CDHR2: variants seen among roughly 807,000 people sequenced by gnomAD.
The protein encoded by CDHR2 is cadherin related family member 2, also known as cadherin-related family member 2.
Under a neutral mutation model 138.6 loss-of-function variants are expected in CDHR2, and 104 were observed. The observed-to-expected ratio is 0.75, with a 90% CI of 0.64 to 0.88. CDHR2 has a LOEUF of 0.88. Ranked by LOEUF, CDHR2 falls within the 40% of genes least tolerant of loss-of-function variation. CDHR2 has a pLI of 0.00. For missense variants in CDHR2, 1,624 were observed against 1,727.6 expected (o/e 0.94, Z 1.06); for synonymous variants, 755 against 742.8 (o/e 1.02, Z -0.27).
chr5:176,592,087 GTGGTGGTGATGGTGGTGGTGA>G (rs1758876047), intron 30 of CDHR2, among the ~76,000 whole-genome samples: 1 of 64,608 alleles, frequency 1.5e-5, no homozygotes, highest in Non-Finnish European at 4.7e-5. Flanking sequence ...TATCGTGGTG[GTGGTGGTGATGGTGGTGGTGA>G]TGGTGATGGT....
At chr5:176,567,918 C>T (rs933294915) in intron 3 of CDHR2, among the ~76,000 whole-genome samples, 2 of 152,238 alleles carry the variant, frequency 1.3e-5, no homozygotes, top group African/African-American at 4.8e-5. Context: ...TGTAAACCAC[C>T]ATACCTGGCC....
intron 1 of CDHR2, among the ~76,000 whole-genome samples, chr5:176,560,958 A>G (rs1757952675): frequency 6.8e-6 from 1 of 147,534 alleles, no homozygotes; most frequent in Non-Finnish European, 1.5e-5. Context: ...TAGCCAGATC[A>G]GAACCAGGAT....
Position 176,575,210 on chromosome 5 carries a change from G to C in CDHR2, c.621+1G>C. 1 of 1,614,190 alleles carries C rather than the reference G, an allele frequency of 6.2e-7. No homozygotes were observed. Among genetic ancestry groups the C allele is most frequent in the Non-Finnish European group, 8.5e-7 (1 of 1,180,022 alleles). On this transcript the variant is annotated splice_donor_variant, in intron 8 of 31. Transcript: ENST00000261944. LOFTEE classifies it high-confidence loss of function. ...CTACCAGCTGGAGCTGAAGGCCTGT[G>C]TGAGTGGGGGTGCCGGCAGGCGGGC...
intron 17 of CDHR2, among the ~76,000 whole-genome samples, 187 bp from the exon 18 acceptor site, chr5:176,584,003 C>T (rs1758586800): frequency 6.6e-6 from 1 of 152,158 alleles, no homozygotes; most frequent in African/African-American, 2.4e-5. Context: ...GGTCCCTGAA[C>T]CCCGGGTGTG....
rs201340559 is a variant in CDHR2, at chr5:176,591,201, T to A, written c.3540-9T>A. On this transcript the variant is annotated splice_polypyrimidine_tract_variant and intron_variant, in intron 28 of 31. Coordinates refer to ENST00000261944, the MANE Select transcript of CDHR2 (RefSeq NM_017675.6). Reference sequence around the variant, plus strand: ...GCAACAGTGTGACCCCTCTTCCGGTTCCCCACAGCTACAACCGGAAGCTTC... The same window carrying A: ...GCAACAGTGTGACCCCTCTTCCGGTACCCCACAGCTACAACCGGAAGCTTC... 131 of 1,601,984 alleles carry A rather than the reference T, an allele frequency of 8.2e-5. No individual in the cohort carries two copies. The African/African-American group carries it at 1.7e-3, about 21-fold the overall frequency.
rs373864465 is a variant in CDHR2, at chr5:176,553,066, G to C, written c.-16+3652G>C. On this transcript the variant is annotated intron_variant, in intron 1 of 31. Coordinates refer to ENST00000261944, the MANE Select transcript of CDHR2 (RefSeq NM_017675.6). This position sits in a 1 kb window ranked among gnomAD's most constrained non-coding sequence, Gnocchi z 4.3. ...TGAGATGGGGAGGGGGGAGTTGGGA[G>C]ACACTTCCATGAGGGAGAAGCGTGG... Among the ~76,000 whole-genome samples the C allele has an allele frequency of 1.1e-4, 17 of 152,178 alleles. No homozygotes were observed. The highest frequency in any genetic ancestry group is 2.4e-4 in the Non-Finnish European group (16 of 68,040).
chr5:176,568,849 C>G, intron 4 of CDHR2, 32 bp downstream of exon 4: 1 of 1,612,756 alleles, frequency 6.2e-7, no homozygotes. Context: ...GGGCACGGGA[C>G]GCGGAGGGGG....
At position 176,568,722 on chromosome 5, in the gene CDHR2, C is replaced by T. The variant is rs1297038632; in HGVS notation, c.169C>T (p.Pro57Ser). The T allele has an allele frequency of 1.2e-6, 2 of 1,614,096 alleles. No homozygotes were observed. The highest frequency in any genetic ancestry group is 2.7e-5 in the African/African-American group (2 of 74,948). The change falls in exon 4 of 32, where the codon CCT becomes TCT. Residue 57 changes from proline (P) to serine (S), a missense_variant. Physicochemically the swap from Pro to Ser is moderately conservative, Grantham distance 74. This residue lies in a region of CDHR2 where 1,061 missense variants were observed against 1,136.6 expected (regional missense o/e 0.93). Coordinates refer to ENST00000261944, the MANE Select transcript of CDHR2 (RefSeq NM_017675.6). The stretch of plus-strand genomic sequence containing the variant: ...GGTAGCGGAAGACCAGGACAATGAC[C>T]CTCTGACCTATGGGATGAGCGGCCC... ...WLVAEDQDNDPLTYGMSGPNA... is the reference protein window; with the variant it reads ...WLVAEDQDNDSLTYGMSGPNA...
rs1477761753 is a variant in CDHR2 at position 176,576,545 on chromosome 5, C to G, written c.1194+360C>G. Among the ~76,000 whole-genome samples the G allele has an allele frequency of 1.3e-5, 2 of 149,026 alleles. No individual in the cohort carries two copies. The highest frequency in any genetic ancestry group is 4.9e-5 in the African/African-American group (2 of 40,690). ...TGGGGGAGGCTGAGCAGTGTTGGGACAAGTGGTCTGAGGGTGTGAGGTGGG... is the reference window on the plus strand; with the variant it reads ...TGGGGGAGGCTGAGCAGTGTTGGGAGAAGTGGTCTGAGGGTGTGAGGTGGG... On this transcript the variant is annotated intron_variant, in intron 12 of 31. Transcript: ENST00000261944. The surrounding 1 kb of genome is among the most constrained non-coding windows in gnomAD (Gnocchi z 4.5).
At chr5:176,587,675 T>C (rs1451558248) in intron 21 of CDHR2, among the ~76,000 whole-genome samples, 4 of 151,376 alleles carry the variant, frequency 2.6e-5, no homozygotes, top group African/African-American at 9.8e-5. Context: ...AAGCTAGCAG[T>C]TCCCAGAAGG....
At position 176,584,263 on chromosome 5, in the gene CDHR2, T is replaced by C. The variant is rs752139; in HGVS notation, c.2128+4T>C. ...ACGGTGAAGGAGGAGGATCCAGGTA[T>C]GTGCTCCCTGGGCCAGGAGAGACAC... On this transcript the variant is annotated splice_donor_region_variant and intron_variant, in intron 18 of 31. Transcript: ENST00000261944. The C allele has an allele frequency of 0.69, 1,109,889 of 1,612,938 alleles. 387,435 individuals are homozygous for C. The highest frequency in any genetic ancestry group is 0.72 in the Non-Finnish European group (849,153 of 1,179,166).
At chr5:176,592,575 T>C (rs1202661960) in intron 30 of CDHR2, 148 bp from the exon 31 acceptor site, 3 of 681,698 alleles carry the variant, frequency 4.4e-6, no homozygotes, top group South Asian at 3.3e-5. Context: ...GTAGTGATGA[T>C]GGTAGTTGTG....
At chr5:176,571,111 G>C (rs543335436) in intron 5 of CDHR2, 102 bp from the exon 6 acceptor site, 44 of 600,942 alleles carry the variant, frequency 7.3e-5, no homozygotes, top group South Asian at 7.0e-4. Flanking sequence ...CAAACAGTAG[G>C]TTGATCTGGA....
At chr5:176,564,955 A>G (rs536615443) in intron 1 of CDHR2, among the ~76,000 whole-genome samples, 1 of 152,308 alleles carries the variant, frequency 6.6e-6, no homozygotes, top group South Asian at 2.1e-4. Flanking sequence ...TCTGGACTCC[A>G]AAAGACCTGT....
rs567432853 is a variant in CDHR2 at position 176,592,490 on chromosome 5, G to A, written c.3735-233G>A. Among the ~76,000 whole-genome samples, 329 of 150,474 alleles carry A rather than the reference G, an allele frequency of 2.2e-3. 2 individuals carry two copies. The highest frequency in any genetic ancestry group is 8.1e-3 in the South Asian group (38 of 4,690). ...GTGTTGGTGTTGAGGTGATGGTGAT[G>A]GTGGTGGTGATAGTGATTATGATGA... On this transcript the variant is annotated intron_variant, in intron 30 of 31. Transcript: ENST00000261944.
intron 20 of CDHR2, 125 bp downstream of exon 20, chr5:176,586,150 C>A (rs944916380): frequency 9.9e-5 from 70 of 709,084 alleles, no homozygotes; most frequent in Non-Finnish European, 1.4e-4. Context: ...TCTAATCCTG[C>A]ATCTTCCTAG....
upstream of CDHR2, among the ~76,000 whole-genome samples, chr5:176,545,216 C>T (rs1160224505): frequency 6.6e-6 from 1 of 152,144 alleles, no homozygotes; most frequent in Non-Finnish European, 1.5e-5. Context: ...ACCCCACCTC[C>T]AGGTTCAAGC....
Position 176,565,418 on chromosome 5 carries a change from C to T in CDHR2, c.52+14C>T. ...TCGTGGTGTCTGGTAGGTGTCTCCCCTCCCCAGCCACGCAGCCCTAACCTA... is the reference window on the plus strand; with the variant it reads ...TCGTGGTGTCTGGTAGGTGTCTCCCTTCCCCAGCCACGCAGCCCTAACCTA... On this transcript the variant is annotated intron_variant, in intron 2 of 31. Coordinates refer to ENST00000261944, the MANE Select transcript of CDHR2 (RefSeq NM_017675.6). 6.2e-7 allele frequency: 1 copy of T among 1,613,196 alleles called. No homozygotes were observed. Among genetic ancestry groups the T allele is most frequent in the Non-Finnish European group, 8.5e-7 (1 of 1,179,164 alleles).
Position 176,575,803 on chromosome 5 carries a change from G to A in CDHR2, c.924G>A (p.Leu308=). ...RVNGSLDREQ[L]LEADEEVQLQ... ...ACGGCTCCCTGGACCGTGAGCAGCT[G>A]CTGGAGGCGGATGAGGAGGTGCAGC... The change falls in exon 11 of 32, where the codon CTG becomes CTA. Residue 308 remains leucine (L), a synonymous_variant. Coordinates refer to ENST00000261944, the MANE Select transcript of CDHR2 (RefSeq NM_017675.6). 1 of 1,555,556 alleles carries A rather than the reference G, an allele frequency of 6.4e-7. No individual in the cohort carries two copies. Among genetic ancestry groups the A allele is most frequent in the Non-Finnish European group, 8.7e-7 (1 of 1,149,064 alleles).
Sources: gnomAD v4.1 joint callset for allele counts (sites outside exome capture counted in the v4.1 genomes callset) on GRCh38, gnomAD v4.1.1 for gene constraint, gnomAD v4.1.1 regional missense constraint, Gnocchi (gnomAD v3.1) non-coding constraint, MANE v1.5 for transcripts, NCBI Gene and HGNC (gene_info 2026-07-23, HGNC 2026-07-21) for gene names.